The following IVD variants were observed in gnomAD, a reference collection of about 807,000 sequenced individuals.
IVD encodes the protein isovaleryl-CoA dehydrogenase.
In IVD, 31 loss-of-function variants were observed where a neutral mutation model predicts 51.3. The ratio of observed to expected loss-of-function variants is 0.60; its 90% CI spans 0.45 to 0.81. The LOEUF (loss-of-function observed/expected upper bound fraction) is 0.81, where lower values mean the gene tolerates loss of function less well. Among genes scored for constraint, IVD ranks in the 40% least tolerant of loss-of-function variants. The probability of loss-of-function intolerance (pLI) is 0.00; values close to 1 mark genes in which losing one functional copy is unlikely to be tolerated. For synonymous variants in IVD, 205 were observed against 219.4 expected (o/e 0.93, Z 0.58); for missense variants, 475 against 552.0 (o/e 0.86, Z 1.40).
In IVD at chr15:40,409,025, T is replaced by G. The variant is rs150158737; in HGVS notation, c.286+1035T>G. Among the ~76,000 whole-genome samples the G allele has an allele frequency of 1.5e-3, 226 of 152,090 alleles. 1 individual carries two copies. Among genetic ancestry groups the G allele is most frequent in the African/African-American group, 5.3e-3 (221 of 41,388 alleles). On this transcript the variant is annotated intron_variant, in intron 3 of 11. Transcript: ENST00000487418. ...GTATGAGTGGAACCCAATATACTTC[T>G]CCTTACATCCTAGAAAGTTATATCA...
chr15:40,406,336 C>G, intron 1 of IVD: 1 of 1,342,688 alleles, frequency 7.4e-7, no homozygotes, highest in Non-Finnish European at 9.8e-7. Context: ...TTCACTTACA[C>G]CTGAACAGGC....
chr15:40,422,614 T>TTTTTTTTTTTTTTTTG (rs1892407764), downstream of IVD, among the ~76,000 whole-genome samples: 1 of 83,322 alleles, frequency 1.2e-5, no homozygotes, highest in Non-Finnish European at 2.4e-5. Context: ...TTTTTTTTTT[T>TTTTTTTTTTTTTTTTG]TTTAAGACGG....
downstream of IVD, among the ~76,000 whole-genome samples, chr15:40,422,108 C>T (rs972417256): frequency 6.6e-6 from 1 of 152,232 alleles, no homozygotes; most frequent in Non-Finnish European, 1.5e-5. Context: ...TGACCCCTGC[C>T]GGCTGCCCGC....
downstream of IVD, among the ~76,000 whole-genome samples, chr15:40,425,273 CA>C (rs947610126): frequency 2.0e-5 from 3 of 152,034 alleles, no homozygotes; most frequent in Non-Finnish European, 4.4e-5. Flanking sequence ...GACAGTATTC[CA>C]AGCCCATGTG....
downstream of IVD, among the ~76,000 whole-genome samples, chr15:40,422,713 C>T (rs1892418267): frequency 6.8e-6 from 1 of 146,438 alleles, no homozygotes; most frequent in Middle Eastern, 3.5e-3. Flanking sequence ...GATTCTCGTG[C>T]CTTAGCCTCC....
At chr15:40,412,430 G>A (rs1190317966) in intron 6 of IVD, among the ~76,000 whole-genome samples, 1 of 152,232 alleles carries the variant, frequency 6.6e-6, no homozygotes, top group African/African-American at 2.4e-5. Flanking sequence ...GAAAGTAGCT[G>A]TCTAGGGTTG....
At chr15:40,425,964 C>CTTTTTTTTTTTTTTTTTTTT (rs200928278), downstream of IVD, among the ~76,000 whole-genome samples, 1 of 117,416 alleles carries the variant, frequency 8.5e-6, no homozygotes, top group African/African-American at 2.8e-5. Flanking sequence ...CCCAGTCCGG[C>CTTTTTTTTTTTTTTTTTTTT]TATTTTTTTT....
Position 40,418,466 on chromosome 15 carries a change from G to T in IVD, c.*203G>T. ...CAGCCGGGCCTGTGCCACGGCTAGT[G>T]TTGTGTGATTTAAAATGGACTCAGC... On this transcript the variant is annotated 3_prime_UTR_variant, in exon 12 of 12. Transcript: ENST00000487418. The T allele has an allele frequency of 7.0e-7, 1 of 1,432,018 alleles. No homozygotes were observed. Among genetic ancestry groups the T allele is most frequent in the Non-Finnish European group, 9.1e-7 (1 of 1,093,704 alleles). 88.7% of individuals were successfully genotyped at this position (1,432,018 alleles called of 1,614,324 possible).
chr15:40,410,218 G>A (rs1890916531), intron 3 of IVD, among the ~76,000 whole-genome samples: 1 of 152,122 alleles, frequency 6.6e-6, no homozygotes, highest in Non-Finnish European at 1.5e-5. Flanking sequence ...AGATCCTCTG[G>A]CTTTGTATCT....
intron 7 of IVD, chr15:40,433,735 C>T (rs1417927401): frequency 2.5e-6 from 1 of 393,506 alleles, no homozygotes; most frequent in Non-Finnish European, 5.1e-6. Flanking sequence ...GTTTACTATT[C>T]AGTTCACCAA....
chr15:40,428,708 C>T (rs116278211), downstream of IVD, among the ~76,000 whole-genome samples: 8 of 152,148 alleles, frequency 5.3e-5, no homozygotes, highest in African/African-American at 1.9e-4. Flanking sequence ...ACCTCCTGTT[C>T]GGGACTCCTG....
Position 40,418,643 on chromosome 15 carries a change from AC to A in IVD, c.*382del, listed in dbSNP as rs1040755317. The stretch of plus-strand genomic sequence containing the variant: ...GGCACCTGGGGGCATGCAGGTACCC[AC>A]CTCTTTCTCTTGGGTGAGGCTCTGG... On this transcript the variant is annotated 3_prime_UTR_variant, in exon 12 of 12. Transcript: ENST00000487418. The A allele has an allele frequency of 1.2e-4, 141 of 1,142,562 alleles. No homozygotes were observed. Among genetic ancestry groups the A allele is most frequent in the Non-Finnish European group, 1.5e-4 (135 of 921,148 alleles). The allele number at this position is 1,142,562 out of a possible 1,614,324, so 70.8% of individuals were successfully genotyped here. A position where few individuals can be genotyped will look rare whatever the true frequency, so the allele number is the denominator to read the frequency against.
At chr15:40,426,330 G>A (rs1192298441), downstream of IVD, among the ~76,000 whole-genome samples, 9 of 152,094 alleles carry the variant, frequency 5.9e-5, 1 homozygote, top group African/African-American at 2.2e-4. Context: ...CTGAGGTCAG[G>A]AGTTTGAAAC....
At chr15:40,431,286 C>A (rs1444281285) in intron 7 of IVD, among the ~76,000 whole-genome samples, 1 of 152,042 alleles carries the variant, frequency 6.6e-6, no homozygotes, top group African/African-American at 2.4e-5. Flanking sequence ...GCCCAGCCGG[C>A]TCCACTATTA....
downstream of IVD, among the ~76,000 whole-genome samples, chr15:40,425,440 CTATATATATATATATATA>C (rs72252183): frequency 2.2e-5 from 3 of 137,834 alleles, no homozygotes; most frequent in African/African-American, 9.2e-5. Context: ...TGGACTCATA[CTATATATATATATATATA>C]TATATATATT....
At chr15:40,434,868 C>A (rs1893180893) in intron 8 of IVD, among the ~76,000 whole-genome samples, 1 of 152,212 alleles carries the variant, frequency 6.6e-6, no homozygotes, top group Non-Finnish European at 1.5e-5. Context: ...TTCACTGACA[C>A]CCTCACACCC....
intron 1 of IVD, 77 bp from the exon 2 acceptor site, chr15:40,407,559 G>A: frequency 3.8e-6 from 4 of 1,052,036 alleles, no homozygotes; most frequent in Non-Finnish European, 6.0e-6. Flanking sequence ...GAAGTTACTT[G>A]TGGCCTTTTC....
intron 11 of IVD, among the ~76,000 whole-genome samples, chr15:40,416,574 G>A (rs1417014292): frequency 1.3e-5 from 2 of 152,126 alleles, no homozygotes; most frequent in African/African-American, 2.4e-5. Context: ...GTGCATGCCT[G>A]TAATCCCAGC....
At chr15:40,413,262 GCCCTGCAGCGGC>G in intron 7 of IVD, 175 bp downstream of exon 7, 4 of 663,170 alleles carry the variant, frequency 6.0e-6, no homozygotes, top group Admixed American at 2.1e-5. Context: ...CCTGGCCAGG[GCCCTGCAGCGGC>G]ATGCCTAACT....
Sources: allele counts gnomAD v4.1 joint callset (sites outside exome capture counted in the v4.1 genomes callset), GRCh38; gene constraint gnomAD v4.1.1; transcripts MANE v1.5; gene names NCBI Gene and HGNC (gene_info 2026-07-23, HGNC 2026-07-21).